AP3B1: variants seen among roughly 807,000 people sequenced by gnomAD.
AP3B1 encodes AP-3 complex subunit beta-1.
AP3B1 carries 61 observed loss-of-function variants against 132.5 expected under a neutral mutation model. The observed-to-expected ratio is 0.46, with a 90% CI of 0.37 to 0.57. The LOEUF (loss-of-function observed/expected upper bound fraction) is 0.57, where lower values mean the gene tolerates loss of function less well. AP3B1 is among the 20% of genes least tolerant of loss of function. The pLI is 0.00. For synonymous variants in AP3B1, 388 were observed against 438.3 expected (o/e 0.89, Z 1.43); for missense variants, 1,120 against 1,289.4 (o/e 0.87, Z 2.01).
At chr5:78,242,529 C>G (rs2112521376) in intron 2 of AP3B1, among the ~76,000 whole-genome samples, 1 of 152,254 alleles carries the variant, frequency 6.6e-6, no homozygotes, top group East Asian at 1.9e-4. Context: ...GCTTCAGTCT[C>G]CCGAGTAGCT....
In AP3B1 at chr5:78,177,225, G is replaced by A. The variant is rs926792157; in HGVS notation, c.1040+114C>T. The A allele has an allele frequency of 2.0e-5, 14 of 706,766 alleles. No homozygotes were observed. The East Asian group carries it at 2.2e-4, about 11-fold the overall frequency. 43.8% of individuals were successfully genotyped at this position (706,766 alleles called of 1,614,324 possible). On this transcript the variant is annotated intron_variant, in intron 9 of 26. Transcript: ENST00000255194. ...CCTTAAGTATGAAATCTTACTGATC[G>A]ATTGATTAAAATATAGTCAGAGTTA...
chr5:78,237,863 T>C (rs918508707), intron 3 of AP3B1, among the ~76,000 whole-genome samples: 1 of 152,190 alleles, frequency 6.6e-6, no homozygotes, highest in Non-Finnish European at 1.5e-5. Context: ...TATAATCCAG[T>C]GATGCATTGC....
At chr5:78,167,078 A>T (rs1743665727) in intron 11 of AP3B1, among the ~76,000 whole-genome samples, 1 of 152,214 alleles carries the variant, frequency 6.6e-6, no homozygotes, top group African/African-American at 2.4e-5. Context: ...AGTGGGAGAA[A>T]ATCTTCACAG....
Position 78,099,895 on chromosome 5 carries a change from C to A in AP3B1, c.2470+1058G>T, listed in dbSNP as rs532553915. ...CAAAGTGAGATTCCGTCTCGGGGGG[C>A]GGGGAAGAACTGCTAGGTGAAAGGG... On this transcript the variant is annotated intron_variant, in intron 21 of 26. Transcript: ENST00000255194. Among the ~76,000 whole-genome samples the A allele has an allele frequency of 3.3e-5, 5 of 151,136 alleles. No homozygotes were observed. In the East Asian group the frequency reaches 7.8e-4, roughly 24 times the overall value.
intron 7 of AP3B1, among the ~76,000 whole-genome samples, chr5:78,212,277 T>G (rs549996631): frequency 1.3e-4 from 19 of 151,636 alleles, no homozygotes; most frequent in African/African-American, 4.6e-4. Context: ...ACAGACTCTA[T>G]CCCAAAAAAG....
At chr5:78,087,715 G>A in intron 22 of AP3B1, 1 of 983,980 alleles carries the variant, frequency 1.0e-6, no homozygotes, top group African/African-American at 1.7e-5. Flanking sequence ...ATAAAAGGGT[G>A]AGTCTGTCAA....
chr5:78,116,209 T>C lies in AP3B1; in HGVS notation c.1994A>G (p.Lys665Arg). The change falls in exon 18 of 27, where the codon AAA becomes AGA. Residue 665 changes from lysine to arginine, a missense_variant. Physicochemically the swap from Lys to Arg is conservative, Grantham distance 26. Coordinates refer to ENST00000255194, the MANE Select transcript of AP3B1 (RefSeq NM_003664.5). ...CTTAGCAGAATTCTCTTGCTTTGCT[T>C]TTCCTGCTGGGGTCCATTCTTTTGC... ...ELAKEWTPAG[K>R]AKQENSAKKF... The C allele has an allele frequency of 6.2e-7, 1 of 1,613,730 alleles. No homozygotes were observed. The highest frequency in any genetic ancestry group is 8.5e-7 in the Non-Finnish European group (1 of 1,179,756).
chr5:78,009,249 G>A (rs1342523716), intron 26 of AP3B1, among the ~76,000 whole-genome samples: 1 of 146,066 alleles, frequency 6.8e-6, no homozygotes, highest in East Asian at 2.0e-4. Context: ...GAGCCCAGGA[G>A]TTCAAGACCA....
At chr5:78,193,770 A>ATATATATATTTT in intron 7 of AP3B1, among the ~76,000 whole-genome samples, 43 of 67,202 alleles carry the variant, frequency 6.4e-4, no homozygotes, top group African/African-American at 2.2e-3. Flanking sequence ...ATATATATAT[A>ATATATATATTTT]TTTTTTTTTT....
At chr5:78,208,955 A>G (rs549389813) in intron 7 of AP3B1, among the ~76,000 whole-genome samples, 1 of 152,276 alleles carries the variant, frequency 6.6e-6, no homozygotes, top group African/African-American at 2.4e-5. Flanking sequence ...CAAAGATGAA[A>G]GAGGTAAGCA....
At chr5:78,143,190 C>T (rs1753227137) in intron 14 of AP3B1, among the ~76,000 whole-genome samples, 1 of 151,858 alleles carries the variant, frequency 6.6e-6, no homozygotes, top group Admixed American at 6.6e-5. Flanking sequence ...TGGTAACAAT[C>T]TTTTGCAATT....
intron 15 of AP3B1, among the ~76,000 whole-genome samples, chr5:78,136,870 T>C (rs943890923): frequency 6.6e-6 from 1 of 152,204 alleles, no homozygotes. Context: ...TGTTGCAATA[T>C]AGCAAAATTG....
intron 7 of AP3B1, among the ~76,000 whole-genome samples, chr5:78,213,069 T>TG (rs1188585187): frequency 6.6e-6 from 1 of 151,662 alleles, no homozygotes; most frequent in Non-Finnish European, 1.5e-5. Context: ...TTAGTAGAGA[T>TG]GGGGTTTCAC....
intron 21 of AP3B1, among the ~76,000 whole-genome samples, chr5:78,097,226 G>T (rs1316511857): frequency 8.1e-6 from 1 of 124,146 alleles, no homozygotes; most frequent in Non-Finnish European, 1.7e-5. Flanking sequence ...ACCCCGTCCG[G>T]GAGGGAGGTG....
chr5:78,110,249 C>T lies in AP3B1; in HGVS notation c.2355G>A (p.Glu785=). The change falls in exon 20 of 27, where the codon GAG becomes GAA. Residue 785 remains glutamate (E), a synonymous_variant. Coordinates refer to ENST00000255194, the MANE Select transcript of AP3B1 (RefSeq NM_003664.5). ...ATTCAGATTCACTTTCAGGTTCTGACTCTGATTCAGAATCGGAAGAACTGT... is the reference window on the plus strand; with the variant it reads ...ATTCAGATTCACTTTCAGGTTCTGATTCTGATTCAGAATCGGAAGAACTGT... ...IEDSSSDSES[E]SEPESESESR... 2 of 1,608,418 alleles carry T rather than the reference C, an allele frequency of 1.2e-6. No individual in the cohort carries two copies. Among genetic ancestry groups the T allele is most frequent in the South Asian group, 2.2e-5 (2 of 90,328 alleles).
chr5:78,013,543 A>G (rs893372035), intron 26 of AP3B1, among the ~76,000 whole-genome samples: 2 of 152,232 alleles, frequency 1.3e-5, no homozygotes, highest in African/African-American at 4.8e-5. Context: ...AAAATTTCAT[A>G]CTGAAGAAGT....
chr5:78,122,530 C>G (rs903182173), intron 17 of AP3B1, among the ~76,000 whole-genome samples: 18 of 152,296 alleles, frequency 1.2e-4, no homozygotes, highest in African/African-American at 3.9e-4. Flanking sequence ...GCAAAAATCA[C>G]AAGCATTCTT....
intron 3 of AP3B1, among the ~76,000 whole-genome samples, chr5:78,228,850 AAT>A (rs1347778870): frequency 3.3e-5 from 5 of 152,278 alleles, no homozygotes; most frequent in African/African-American, 9.6e-5. Context: ...GTCCAGTAAG[AAT>A]AATGTGTGAC....
intron 8 of AP3B1, 55 bp downstream of exon 8, chr5:78,181,452 T>A: frequency 6.5e-7 from 1 of 1,541,344 alleles, no homozygotes; most frequent in Non-Finnish European, 8.9e-7. Context: ...GAGATATTTT[T>A]AATTGCTGTT....
Sources: gnomAD v4.1 joint callset for allele counts (sites outside exome capture counted in the v4.1 genomes callset) on GRCh38, gnomAD v4.1.1 for gene constraint, MANE v1.5 for transcripts, NCBI Gene and HGNC (gene_info 2026-07-23, HGNC 2026-07-21) for gene names.